Variants in ADARB2 observed in about 807,000 individuals in gnomAD.
ADARB2 encodes adenosine deaminase RNA specific B2 (inactive), also known as inactive double-stranded RNA-specific editase B2.
Under a neutral mutation model 62.2 loss-of-function variants are expected in ADARB2, and 25 were observed. The observed-to-expected ratio is 0.40, with a 90% CI of 0.29 to 0.56. The LOEUF is 0.56. ADARB2 is among the 20% of genes least tolerant of loss of function. The pLI is 0.43. For synonymous variants in ADARB2, 572 were observed against 500.8 expected (o/e 1.14, Z -1.90); for missense variants, 1,071 against 1,077.4 (o/e 0.99, Z 0.08).
At chr10:1,192,553 C>T (rs1366433609) in intron 8 of ADARB2, among the ~76,000 whole-genome samples, 1 of 152,194 alleles carries the variant, frequency 6.6e-6, no homozygotes, top group African/African-American at 2.4e-5. Flanking sequence ...TGCTTTGATA[C>T]AGCACATTTA....
Position 1,178,970 on chromosome 10 carries a change from A to C in ADARB2, c.*4223T>G, listed in dbSNP as rs961610438. Reference sequence around the variant, plus strand: ...AGTGATACTTATTGTATTTTGGGCCAATTAGTCAGATTATTTTATTAGAAT... The same window carrying C: ...AGTGATACTTATTGTATTTTGGGCCCATTAGTCAGATTATTTTATTAGAAT... On this transcript the variant is annotated 3_prime_UTR_variant, in exon 10 of 10. Transcript: ENST00000381312. 3 of 152,208 alleles carry C rather than the reference A, an allele frequency of 2.0e-5. No homozygotes were observed. Among genetic ancestry groups the C allele is most frequent in the African/African-American group, 4.8e-5 (2 of 41,452 alleles). 9.4% of individuals were successfully genotyped at this position (152,208 alleles called of 1,614,324 possible). A position where few individuals can be genotyped will look rare whatever the true frequency, so the allele number is the denominator to read the frequency against.
rs369893014 is a variant in ADARB2 at position 1,515,308 on chromosome 10, C to T, written c.101-136148G>A. On this transcript the variant is annotated intron_variant, in intron 1 of 9. Coordinates refer to ENST00000381312, the MANE Select transcript of ADARB2 (RefSeq NM_018702.4). ...GATCCCCCGCTGGGAACCTGGTGCC[C>T]GTTGGCTGGTGCACTGGGCCCTGAC... Among the ~76,000 whole-genome samples, 88 of 152,286 alleles carry T rather than the reference C, an allele frequency of 5.8e-4. No individual in the cohort carries two copies. The East Asian group carries it at 6.8e-3, about 12-fold the overall frequency.
chr10:1,560,408 G>T (rs1364298124), intron 1 of ADARB2, among the ~76,000 whole-genome samples: 1 of 152,092 alleles, frequency 6.6e-6, no homozygotes, highest in African/African-American at 2.4e-5. Context: ...CAATGACCCT[G>T]GTGCACCCTG....
intron 5 of ADARB2, chr10:1,240,397 C>G (rs564147124): frequency 1.3e-5 from 2 of 153,262 alleles, no homozygotes; most frequent in South Asian, 2.1e-4. Context: ...TTCTGCCGGT[C>G]TTGCTGTTTT....
chr10:1,345,480 C>G (rs1040762037), intron 3 of ADARB2, among the ~76,000 whole-genome samples: 9 of 152,218 alleles, frequency 5.9e-5, no homozygotes, highest in Non-Finnish European at 1.2e-4. Flanking sequence ...TTTCGGCACC[C>G]TGTGGACACT....
At chr10:1,490,042 A>G (rs1279359045) in intron 1 of ADARB2, among the ~76,000 whole-genome samples, 2 of 152,244 alleles carry the variant, frequency 1.3e-5, no homozygotes, top group African/African-American at 2.4e-5. Flanking sequence ...ACAGAAGCAC[A>G]CGTTAGCTGT....
At chr10:1,691,920 T>C (rs1834678011) in intron 1 of ADARB2, among the ~76,000 whole-genome samples, 2 of 150,958 alleles carry the variant, frequency 1.3e-5, no homozygotes, top group Admixed American at 6.6e-5. Context: ...TGTGTGTGTG[T>C]GCACGCATGC....
At chr10:1,232,176 C>CGCACACACA (rs1564229056) in intron 6 of ADARB2, among the ~76,000 whole-genome samples, 1 of 139,872 alleles carries the variant, frequency 7.1e-6, no homozygotes, top group African/African-American at 3.3e-5. Flanking sequence ...GCACACACAC[C>CGCACACACA]GCACACACAC....
chr10:1,731,486 T>A (rs1327121908), intron 1 of ADARB2, among the ~76,000 whole-genome samples: 1 of 152,208 alleles, frequency 6.6e-6, no homozygotes, highest in Non-Finnish European at 1.5e-5. Flanking sequence ...ACGTTAGCTG[T>A]CCCTGTGAAC....
chr10:1,677,021 T>C (rs1409689720), intron 1 of ADARB2, among the ~76,000 whole-genome samples: 1 of 152,142 alleles, frequency 6.6e-6, no homozygotes, highest in East Asian at 1.9e-4. Context: ...CAAGGACCCT[T>C]CACACTTATC....
intron 1 of ADARB2, among the ~76,000 whole-genome samples, chr10:1,413,116 G>T (rs1832772599): frequency 6.6e-6 from 1 of 152,178 alleles, no homozygotes; most frequent in South Asian, 2.1e-4. Flanking sequence ...GTCTAGAACG[G>T]TCTGCAGGCA....
chr10:1,191,247 G>A (rs1046861191), intron 8 of ADARB2, among the ~76,000 whole-genome samples: 2 of 152,328 alleles, frequency 1.3e-5, no homozygotes, highest in African/African-American at 2.4e-5. Flanking sequence ...GGGGCTCACG[G>A]TCCAGGAGGG....
rs74401199 is a variant in ADARB2 at position 1,714,591 on chromosome 10, A to G, written c.100+22460T>C. ...ACGCCTGGGTCCTAACTCCCTTCTT[A>G]TGTTTCTTATTTAAGTAACTTTACT... On this transcript the variant is annotated intron_variant, in intron 1 of 9. Transcript: ENST00000381312. 0.016 allele frequency among the ~76,000 whole-genome samples: 2,495 copies of G among 152,290 alleles called. 147 individuals are homozygous for G. In the East Asian group the frequency reaches 0.18, roughly 11 times the overall value.
At chr10:1,207,628 C>T (rs1837087064) in intron 7 of ADARB2, among the ~76,000 whole-genome samples, 1 of 152,168 alleles carries the variant, frequency 6.6e-6, no homozygotes, top group Admixed American at 6.5e-5. Flanking sequence ...CGGCACTCTG[C>T]ACAGGCTAAA....
chr10:1,635,267 T>C (rs761523844), intron 1 of ADARB2, among the ~76,000 whole-genome samples: 1 of 152,342 alleles, frequency 6.6e-6, no homozygotes, highest in Admixed American at 6.5e-5. Flanking sequence ...AATGTTCCCA[T>C]GTTAATTTAT....
intron 1 of ADARB2, among the ~76,000 whole-genome samples, chr10:1,495,672 T>C (rs1831678965): frequency 1.4e-5 from 1 of 69,182 alleles, no homozygotes; most frequent in Admixed American, 1.4e-4. Flanking sequence ...CTAGTCATCA[T>C]GGTTGTCATT....
At chr10:1,687,706 C>A (rs992456594) in intron 1 of ADARB2, among the ~76,000 whole-genome samples, 1 of 151,540 alleles carries the variant, frequency 6.6e-6, no homozygotes, top group East Asian at 1.9e-4. Flanking sequence ...AGTATAAAGA[C>A]CCCCGGGTCC....
At chr10:1,560,018 C>T (rs1324526760) in intron 1 of ADARB2, among the ~76,000 whole-genome samples, 1 of 152,182 alleles carries the variant, frequency 6.6e-6, no homozygotes, top group Non-Finnish European at 1.5e-5. Context: ...TCAGTGTAAA[C>T]AACCTATTTT....
chr10:1,476,382 A>G (rs2820643), intron 1 of ADARB2, among the ~76,000 whole-genome samples: 150,054 of 152,274 alleles, frequency 0.99, 73,975 homozygotes, highest in Middle Eastern at 1. Context: ...GCTGAGTGGG[A>G]AGAAGGCCAC....
Sources: gnomAD v4.1 joint callset for allele counts (sites outside exome capture counted in the v4.1 genomes callset) on GRCh38, gnomAD v4.1.1 for gene constraint, MANE v1.5 for transcripts, NCBI Gene and HGNC (gene_info 2026-07-23, HGNC 2026-07-21) for gene names.